PALM2AKAP2: variants seen among roughly 807,000 people sequenced by gnomAD.
The protein encoded by PALM2AKAP2 is PALM2-AKAP2 fusion protein.
A neutral mutation model predicts 71.5 loss-of-function variants in PALM2AKAP2; 37 were observed. That is an observed-to-expected ratio of 0.52 (90% CI 0.40 to 0.68). The LOEUF is 0.68. Ranked by LOEUF, PALM2AKAP2 falls within the 30% of genes least tolerant of loss-of-function variation. PALM2AKAP2 has a pLI of 0.00. For synonymous variants in PALM2AKAP2, 468 were observed against 478.8 expected, an observed-to-expected ratio of 0.98 and a Z score of 0.29; for missense variants, 1,224 against 1,191.8, an observed-to-expected ratio of 1.03 and a Z score of -0.40.
At chr9:109,797,593 C>T (rs1216375686) in intron 1 of PALM2AKAP2, among the ~76,000 whole-genome samples, 10 of 152,236 alleles carry the variant, frequency 6.6e-5, no homozygotes, top group Non-Finnish European at 1.3e-4. Context: ...TCACCCACCA[C>T]ATGCACCAGC....
intron 1 of PALM2AKAP2, among the ~76,000 whole-genome samples, chr9:109,766,629 A>G (rs1829159069): frequency 6.6e-6 from 1 of 152,198 alleles, no homozygotes; most frequent in Admixed American, 6.5e-5. Context: ...CTGCATGTTG[A>G]TAAGGCAGAA....
intron 1 of PALM2AKAP2, among the ~76,000 whole-genome samples, chr9:109,811,845 T>C (rs973047728): frequency 3.2e-4 from 49 of 152,254 alleles, no homozygotes; most frequent in African/African-American, 1.1e-3. Context: ...ATAGCTGAGA[T>C]TATAGGCATG....
chr9:110,093,138 G>A (rs1484718038), intron 1 of PALM2AKAP2, among the ~76,000 whole-genome samples: 2 of 152,208 alleles, frequency 1.3e-5, no homozygotes, highest in Admixed American at 1.3e-4. Context: ...GGACGTTCAG[G>A]CCATGTAGCC....
intron 1 of PALM2AKAP2, among the ~76,000 whole-genome samples, chr9:109,652,938 G>T (rs1384357753): frequency 3.3e-5 from 5 of 152,288 alleles, no homozygotes; most frequent in Admixed American, 1.3e-4. Flanking sequence ...CTAAGATGAG[G>T]TCAAAATCCA....
chr9:109,965,587 G>A (rs1831931279), intron 6 of PALM2AKAP2, among the ~76,000 whole-genome samples: 2 of 152,202 alleles, frequency 1.3e-5, no homozygotes, highest in Admixed American at 1.3e-4. Flanking sequence ...GAGAAGAAAG[G>A]AGAGTTATTG....
chr9:109,789,899 A>C (rs965934667), intron 1 of PALM2AKAP2, among the ~76,000 whole-genome samples: 1 of 152,234 alleles, frequency 6.6e-6, no homozygotes, highest in Non-Finnish European at 1.5e-5. Context: ...AAATACACAC[A>C]GAAAGGGAGA....
Position 110,136,750 on chromosome 9 carries a change from C to T in PALM2AKAP2, c.780C>T (p.Thr260=), listed in dbSNP as rs768510991. Reference sequence around the variant, plus strand: ...CCCGAGATGGAGAGTTCACTCTCACCACACTGAAAAAGGAGGCCAAGTTTG... The same window carrying T: ...CCCGAGATGGAGAGTTCACTCTCACTACACTGAAAAAGGAGGCCAAGTTTG... Residue 260 remains threonine, a synonymous_variant, in exon 2 of 4, where the codon ACC becomes ACT. Transcript: ENST00000374525. The T allele has an allele frequency of 5.6e-6, 9 of 1,614,056 alleles. No individual in the cohort carries two copies. The African/African-American group carries it at 9.3e-5, about 17-fold the overall frequency.
chr9:110,116,976 G>A (rs554137937), intron 1 of PALM2AKAP2, among the ~76,000 whole-genome samples: 3 of 152,290 alleles, frequency 2.0e-5, no homozygotes, highest in East Asian at 3.9e-4. Flanking sequence ...AGCCCTGGCC[G>A]TTTAAAAGTC....
intron 6 of PALM2AKAP2, among the ~76,000 whole-genome samples, chr9:109,942,097 G>C (rs1382072718): frequency 1.3e-5 from 2 of 152,078 alleles, no homozygotes; most frequent in Non-Finnish European, 2.9e-5. Flanking sequence ...CTTATTTTAG[G>C]TACCTAGTTT....
chr9:109,743,036 G>T (rs971846939), intron 1 of PALM2AKAP2, among the ~76,000 whole-genome samples: 1 of 152,122 alleles, frequency 6.6e-6, no homozygotes, highest in Non-Finnish European at 1.5e-5. Context: ...GTCTATTCCA[G>T]CCAGAAAGCT....
intron 6 of PALM2AKAP2, among the ~76,000 whole-genome samples, chr9:110,005,503 T>C (rs1813951118): frequency 6.6e-6 from 1 of 152,242 alleles, no homozygotes; most frequent in African/African-American, 2.4e-5. Flanking sequence ...AGTCTGTCCA[T>C]TCTCAGATCT....
intron 1 of PALM2AKAP2, among the ~76,000 whole-genome samples, chr9:109,722,436 G>A (rs1000933480): frequency 2.0e-5 from 3 of 152,104 alleles, no homozygotes; most frequent in Non-Finnish European, 2.9e-5. Flanking sequence ...ATATGCTATG[G>A]GGACTTTTGA....
intron 1 of PALM2AKAP2, among the ~76,000 whole-genome samples, chr9:109,714,185 T>C (rs1331888124): frequency 2.0e-5 from 3 of 152,248 alleles, no homozygotes; most frequent in Non-Finnish European, 4.4e-5. Flanking sequence ...TACTGCTATC[T>C]AGTTACTTCC....
rs1303540742 is a variant in PALM2AKAP2 at position 110,137,012 on chromosome 9, C to G, written c.1042C>G (p.Leu348Val). 7 of 1,614,030 alleles carry G rather than the reference C, an allele frequency of 4.3e-6. No individual in the cohort carries two copies. In the African/African-American group the frequency reaches 9.3e-5, roughly 22 times the overall value. The change falls in exon 2 of 4, where the codon CTG becomes GTG. Residue 348 changes from leucine (L) to valine (V), a missense_variant. Leu to Val is a conservative substitution (Grantham distance 32). Coordinates refer to ENST00000374525, the Ensembl canonical transcript of PALM2AKAP2. ...CGAGGAGCAGCTGGACGAGGAACAT[C>G]TGGAGTCGCACAAAAAGTACAAGGA... is the stretch of plus-strand genomic sequence containing the variant.
chr9:109,837,411 C>A (rs539161953), intron 1 of PALM2AKAP2, among the ~76,000 whole-genome samples: 1 of 152,234 alleles, frequency 6.6e-6, no homozygotes, highest in South Asian at 2.1e-4. Context: ...CCAGTACCAG[C>A]CACTGCAAAA....
intron 3 of PALM2AKAP2, among the ~76,000 whole-genome samples, chr9:109,896,823 A>T (rs928901602): frequency 3.3e-5 from 5 of 152,100 alleles, no homozygotes; most frequent in Admixed American, 3.3e-4. Flanking sequence ...AAAAATAATT[A>T]ATTATTTAAT....
rs78004451 is a variant in PALM2AKAP2 at position 109,925,722 on chromosome 9, T to C, written c.394+640T>C. 2.8e-3 allele frequency among the ~76,000 whole-genome samples: 432 copies of C among 152,228 alleles called. 2 individuals carry two copies. Among genetic ancestry groups the C allele is most frequent in the African/African-American group, 0.01 (422 of 41,518 alleles). On this transcript the variant is annotated intron_variant, in intron 5 of 9. Coordinates refer to the PALM2AKAP2 transcript ENST00000302798. ...CTCTACCTTCCCTACCTTTCCTCTGTCCTCTCCTCTCCTTACCTGGACTGT... is the reference window on the plus strand; with the variant it reads ...CTCTACCTTCCCTACCTTTCCTCTGCCCTCTCCTCTCCTTACCTGGACTGT...
intron 6 of PALM2AKAP2, among the ~76,000 whole-genome samples, chr9:109,986,507 A>T (rs1832381986): frequency 6.6e-6 from 1 of 152,028 alleles, no homozygotes; most frequent in South Asian, 2.1e-4. Context: ...CTTTCTCAAC[A>T]TTTTCTCTGA....
intron 1 of PALM2AKAP2, among the ~76,000 whole-genome samples, chr9:109,704,321 T>G (rs1310239356): frequency 6.6e-6 from 1 of 152,192 alleles, no homozygotes; most frequent in Non-Finnish European, 1.5e-5. Flanking sequence ...GCTAAGCCAG[T>G]GCTGGTTCTG....
Sources: allele counts gnomAD v4.1 joint callset (sites outside exome capture counted in the v4.1 genomes callset), GRCh38; gene constraint gnomAD v4.1.1; transcripts MANE v1.5; gene names NCBI Gene and HGNC (gene_info 2026-07-23, HGNC 2026-07-21).